Variants in ANKFN1 observed in about 807,000 individuals in gnomAD.
ANKFN1 encodes the protein ankyrin repeat and fibronectin type-III domain-containing protein 1.
Under a neutral mutation model 108.7 loss-of-function variants are expected in ANKFN1, and 74 were observed. That is an observed-to-expected ratio of 0.68 (90% confidence interval 0.56 to 0.83). ANKFN1 has a LOEUF of 0.83. Among genes scored for constraint, ANKFN1 ranks in the 40% least tolerant of loss-of-function variants. The pLI, the probability that ANKFN1 is intolerant of heterozygous loss-of-function variation, is 0.00. For missense variants in ANKFN1, 1,505 were observed against 1,382.3 expected (o/e 1.09, Z -1.41); for synonymous variants, 547 against 516.2 (o/e 1.06, Z -0.81).
chr17:56,135,294 T>C (rs1217763867), intron 4 of ANKFN1, among the ~76,000 whole-genome samples: 1 of 152,212 alleles, frequency 6.6e-6, no homozygotes, highest in Admixed American at 6.5e-5. Context: ...TATTTGTGTG[T>C]GTGTGAGTTA....
At chr17:56,292,282 G>A (rs1460137556) in intron 3 of ANKFN1, among the ~76,000 whole-genome samples, 1 of 152,134 alleles carries the variant, frequency 6.6e-6, no homozygotes, top group African/African-American at 2.4e-5. Flanking sequence ...AATTGCAGCA[G>A]GAAAGTCAAA....
intron 15 of ANKFN1, among the ~76,000 whole-genome samples, chr17:56,469,535 A>G (rs1055457332): frequency 6.6e-6 from 1 of 152,020 alleles, no homozygotes; most frequent in Non-Finnish European, 1.5e-5. Context: ...CTGCTACATC[A>G]CATCACATTC....
intron 4 of ANKFN1, among the ~76,000 whole-genome samples, chr17:56,082,284 T>TG (rs1905256453): frequency 7.3e-5 from 1 of 13,774 alleles, no homozygotes; most frequent in Non-Finnish European, 2.2e-4. Context: ...GTTGTTTTGT[T>TG]TTGTTTTTGT....
chr17:56,254,921 T>C (rs2043321625), intron 3 of ANKFN1, among the ~76,000 whole-genome samples: 1 of 152,152 alleles, frequency 6.6e-6, no homozygotes, highest in African/African-American at 2.4e-5. Flanking sequence ...AACCCTGCTC[T>C]TTCACCCCTT....
chr17:56,490,535 A>C (rs2051001214), intron 18 of ANKFN1, among the ~76,000 whole-genome samples: 1 of 152,158 alleles, frequency 6.6e-6, no homozygotes, highest in Non-Finnish European at 1.5e-5. Flanking sequence ...ATCCTAGATC[A>C]CAGGGAGTTT....
At chr17:56,414,380 C>G (rs2048179991) in intron 8 of ANKFN1, among the ~76,000 whole-genome samples, 1 of 152,124 alleles carries the variant, frequency 6.6e-6, no homozygotes, top group African/African-American at 2.4e-5. Flanking sequence ...GGAGGAACTT[C>G]CAAACTCATT....
chr17:56,485,755 G>A (rs2050835404), intron 18 of ANKFN1, among the ~76,000 whole-genome samples: 1 of 152,150 alleles, frequency 6.6e-6, no homozygotes, highest in Non-Finnish European at 1.5e-5. Context: ...ATAATCCATA[G>A]AACATATACT....
chr17:56,072,563 T>C (rs934504365), intron 4 of ANKFN1, among the ~76,000 whole-genome samples: 3 of 152,206 alleles, frequency 2.0e-5, no homozygotes, highest in Admixed American at 2.0e-4. Flanking sequence ...TTTAACAGCA[T>C]AAATTCGTTT....
chr17:56,104,738 C>T (rs1157581284), intron 4 of ANKFN1, among the ~76,000 whole-genome samples: 2 of 152,106 alleles, frequency 1.3e-5, no homozygotes, highest in Admixed American at 1.3e-4. Context: ...CTGCTCTGCT[C>T]CCTGGTATTA....
chr17:56,112,594 A>G (rs553023465), intron 4 of ANKFN1, among the ~76,000 whole-genome samples: 12 of 152,280 alleles, frequency 7.9e-5, no homozygotes, highest in African/African-American at 2.4e-4. Context: ...AAAAATGAAC[A>G]GGAACACACA....
At chr17:56,460,056 T>A (rs202142196) in intron 14 of ANKFN1, among the ~76,000 whole-genome samples, 14 of 148,098 alleles carry the variant, frequency 9.5e-5, no homozygotes, top group Non-Finnish European at 1.3e-4. Context: ...CATTGCCACA[T>A]AAAAAAAAAA....
At chr17:56,084,460 C>T (rs1905284051) in intron 4 of ANKFN1, among the ~76,000 whole-genome samples, 1 of 151,454 alleles carries the variant, frequency 6.6e-6, no homozygotes, top group African/African-American at 2.4e-5. Flanking sequence ...GCTCTCCTGG[C>T]TTTGCAGCAC....
At chr17:56,201,128 G>T (rs1028335540) in intron 1 of ANKFN1, among the ~76,000 whole-genome samples, 1 of 152,090 alleles carries the variant, frequency 6.6e-6, no homozygotes, top group Non-Finnish European at 1.5e-5. Flanking sequence ...CACCATTACT[G>T]TTGCCTTTCA....
chr17:56,313,873 A>G (rs745446313), intron 3 of ANKFN1, among the ~76,000 whole-genome samples: 8 of 152,244 alleles, frequency 5.3e-5, no homozygotes, highest in Non-Finnish European at 1.0e-4. Flanking sequence ...AAATCAAGAT[A>G]CAGAACATTT....
At chr17:56,229,895 C>T (rs893508109) in intron 3 of ANKFN1, among the ~76,000 whole-genome samples, 1 of 151,960 alleles carries the variant, frequency 6.6e-6, no homozygotes, top group Non-Finnish European at 1.5e-5. Context: ...CTCTGAGCAA[C>T]CGGGGAAAGG....
intron 4 of ANKFN1, among the ~76,000 whole-genome samples, chr17:56,067,905 T>C (rs1302635095): frequency 2.0e-5 from 3 of 152,138 alleles, no homozygotes; most frequent in Admixed American, 1.3e-4. Flanking sequence ...TGCAAGGCAT[T>C]GGAATGTCAT....
chr17:56,051,947 A>G (rs1016759253), intron 4 of ANKFN1, among the ~76,000 whole-genome samples: 3 of 148,610 alleles, frequency 2.0e-5, no homozygotes, highest in Admixed American at 6.7e-5. Flanking sequence ...AGAACATTCC[A>G]TGCTCATGGG....
intron 8 of ANKFN1, among the ~76,000 whole-genome samples, chr17:56,410,667 A>G (rs185464411): frequency 7.8e-4 from 119 of 152,224 alleles, no homozygotes; most frequent in African/African-American, 2.8e-3. Flanking sequence ...GCATCCTTTG[A>G]TCAACATCTC....
chr17:56,428,316 C>T (rs980614040), intron 8 of ANKFN1, among the ~76,000 whole-genome samples: 2 of 151,796 alleles, frequency 1.3e-5, no homozygotes, highest in Non-Finnish European at 2.9e-5. Flanking sequence ...CTCCCAGCAT[C>T]CTCCAAAGAT....
Sources: gnomAD v4.1 joint callset for allele counts (sites outside exome capture counted in the v4.1 genomes callset) on GRCh38, gnomAD v4.1.1 for gene constraint, MANE v1.5 for transcripts, NCBI Gene and HGNC (gene_info 2026-07-23, HGNC 2026-07-21) for gene names.